Variants in RARRES2 observed in about 807,000 individuals in gnomAD.
RARRES2 encodes the protein retinoic acid receptor responder 2.
RARRES2 carries 12 observed loss-of-function variants against 17.9 expected under a neutral mutation model. That is an observed-to-expected ratio of 0.67 (90% CI 0.43 to 1.08). RARRES2 has a LOEUF of 1.08. Ranked by LOEUF, RARRES2 falls within the 50% of genes least tolerant of loss-of-function variation. The pLI, the probability that RARRES2 is intolerant of heterozygous loss-of-function variation, is 0.00. For synonymous variants in RARRES2, 82 were observed against 86.8 expected (o/e 0.94, Z 0.31); for missense variants, 220 against 210.1 (o/e 1.05, Z -0.29).
In RARRES2 at chr7:150,338,373, C is replaced by T. The variant is rs747007512; in HGVS notation, c.*77G>A. The T allele has an allele frequency of 6.8e-7, 1 of 1,479,512 alleles. No homozygotes were observed. Among genetic ancestry groups the T allele is most frequent in the South Asian group, 1.2e-5 (1 of 82,710 alleles). The allele number at this position is 1,479,512 out of a possible 1,614,324, so 91.6% of individuals were successfully genotyped here. A position where few individuals can be genotyped will look rare whatever the true frequency, so the allele number is the denominator to read the frequency against. ...TCATGGCTGGGGATAGAACGGGTTCCTCTCCCTGGGGGCTGGGGTCTTCCA... is the reference window on the plus strand; with the variant it reads ...TCATGGCTGGGGATAGAACGGGTTCTTCTCCCTGGGGGCTGGGGTCTTCCA... On this transcript the variant is annotated 3_prime_UTR_variant, in exon 6 of 6. Coordinates refer to ENST00000223271, the MANE Select transcript of RARRES2 (RefSeq NM_002889.4).
At chr7:150,338,583 C>T in intron 5 of RARRES2, 32 bp downstream of exon 5, 1 of 1,548,086 alleles carries the variant, frequency 6.5e-7, no homozygotes. Flanking sequence ...CTGGCCTCAT[C>T]CAGACGGTGC....
rs772161063 is a variant in RARRES2, at chr7:150,338,654, C to T, written c.463G>A (p.Ala155Thr). Residue 155 changes from alanine (A) to threonine (T), a missense_variant, in exon 5 of 6, where the codon GCC (alanine) becomes ACC (threonine). Physicochemically the swap from Ala to Thr is moderately conservative, Grantham distance 58. Transcript: ENST00000223271. ...CTGCGGGGCAGGGCCTTGGAGAAGGCGAACTGTCCAGGGAAGTAGAAGCTG... is the reference window on the plus strand; with the variant it reads ...CTGCGGGGCAGGGCCTTGGAGAAGGTGAACTGTCCAGGGAAGTAGAAGCTG... The part of the protein sequence containing the change: ...PHSFYFPGQF[A>T]FSKALPRS 8.4e-6 allele frequency: 13 copies of T among 1,555,110 alleles called. No individual in the cohort carries two copies. Among genetic ancestry groups the T allele is most frequent in the South Asian group, 2.4e-5 (2 of 84,290 alleles).
intron 3 of RARRES2, among the ~76,000 whole-genome samples, chr7:150,339,826 G>C (rs1004670384): frequency 6.6e-6 from 1 of 152,106 alleles, no homozygotes; most frequent in Admixed American, 6.5e-5. Flanking sequence ...ACCGAGGTGA[G>C]CCCTGCTCTG....
chr7:150,338,600 C>A lies in RARRES2; in HGVS notation c.*10+15G>T, dbSNP rs751302754. 1.3e-6 allele frequency: 2 copies of A among 1,550,766 alleles called. No individual in the cohort carries two copies. Among genetic ancestry groups the A allele is most frequent in the African/African-American group, 1.4e-5 (1 of 73,084 alleles). ...GGCCTCATCCAGACGGTGCTCTCAGCCCCCTGGTGCCTACCAGTGCTGGCT... is the reference window on the plus strand; with the variant it reads ...GGCCTCATCCAGACGGTGCTCTCAGACCCCTGGTGCCTACCAGTGCTGGCT... On this transcript the variant is annotated intron_variant, in intron 5 of 5. Transcript: ENST00000223271.
rs768696892 is a variant in RARRES2, at chr7:150,340,419, C to T, written c.174+17G>A. 3.2e-6 allele frequency: 5 copies of T among 1,583,978 alleles called. No individual in the cohort carries two copies. Among genetic ancestry groups the T allele is most frequent in the South Asian group, 1.1e-5 (1 of 87,712 alleles). Reference sequence around the variant, plus strand: ...GGGTACGACCCTCCCCGCTCCTGCCCGGGCCATGCTACTCACCGTGTCCAC... The same window carrying T: ...GGGTACGACCCTCCCCGCTCCTGCCTGGGCCATGCTACTCACCGTGTCCAC... On this transcript the variant is annotated intron_variant, in intron 2 of 5. Coordinates refer to ENST00000223271, the MANE Select transcript of RARRES2 (RefSeq NM_002889.4).
At position 150,340,503 on chromosome 7, in the gene RARRES2, T is replaced by A. The variant is rs981958699; in HGVS notation, c.107A>T (p.Glu36Val). 3.1e-6 allele frequency: 5 copies of A among 1,604,584 alleles called. No individual in the cohort carries two copies. The South Asian group carries it at 4.5e-5, about 14-fold the overall frequency. The change falls in exon 2 of 6, where the codon GAA becomes GTA. Residue 36 changes from glutamate to valine, a missense_variant. Glu to Val is a moderately radical substitution (Grantham distance 121). Coordinates refer to ENST00000223271, the MANE Select transcript of RARRES2 (RefSeq NM_002889.4). ...QRRGLQVALE[E>V]FHKHPPVQWA... ...CTGCACGGGCGGGTGCTTGTGAAATTCCTCCAGGGCCACCTGCAGGCCCCG... is the reference window on the plus strand; with the variant it reads ...CTGCACGGGCGGGTGCTTGTGAAATACCTCCAGGGCCACCTGCAGGCCCCG...
chr7:150,340,177 G>C lies in RARRES2; in HGVS notation c.202C>G (p.Leu68Val). ...CTTGTCTGCTGCAGCTTAAATTCCA[G>C]CCTCACAAATATTCCAGCTGGGAAG... ...TPFPAGIFVR[L>V]EFKLQQTSCR... The change falls in exon 3 of 6, where the codon CTG (leucine) becomes GTG (valine). Residue 68 changes from leucine to valine, a missense_variant. Transcript: ENST00000223271. 6.2e-7 allele frequency: 1 copy of C among 1,614,160 alleles called. No individual in the cohort carries two copies.
chr7:150,340,667 A>G (rs1185691189), intron 1 of RARRES2, 38 bp from the exon 2 acceptor site: 2 of 1,433,080 alleles, frequency 1.4e-6, no homozygotes, highest in African/African-American at 1.5e-5. Context: ...TCTCCGAGCC[A>G]GCCCGAGCCG....
Position 150,338,998 on chromosome 7 carries a change from G to A in RARRES2, c.363C>T (p.Thr121=). Residue 121 remains threonine (T), a synonymous_variant, in exon 4 of 6, where the codon ACC becomes ACT. Coordinates refer to ENST00000223271, the MANE Select transcript of RARRES2 (RefSeq NM_002889.4). The part of the protein sequence containing the change: ...LGRLVHCPIE[T]QVLREAEEHQ... ...TGCCCCTTCTTACCCGCAGAACTTG[G>A]GTCTCTATGGGGCAGTGGACCAACC... 6 of 1,607,798 alleles carry A rather than the reference G, an allele frequency of 3.7e-6. No individual in the cohort carries two copies. The highest frequency in any genetic ancestry group is 5.1e-6 in the Non-Finnish European group (6 of 1,174,286).
At chr7:150,340,878 C>T in intron 1 of RARRES2, 1 of 417,300 alleles carries the variant, frequency 2.4e-6, no homozygotes, top group Non-Finnish European at 4.2e-6. Flanking sequence ...GTTCCCTGCC[C>T]ACGCTAGGAA....
Position 150,338,693 on chromosome 7 carries a change from C to G in RARRES2, c.424G>C (p.Gly142Arg). Residue 142 changes from glycine to arginine, a missense_variant, in exon 5 of 6, where the codon GGT becomes CGT. Transcript: ENST00000223271. ...ETQCLRVQRA[G>R]EDPHSFYFPG... ...AAGTAGAAGCTGTGGGGGTCCTCAC[C>G]AGCCCGCTGCACCCTGAGGCACTGG... 6.4e-7 allele frequency: 1 copy of G among 1,555,328 alleles called. No individual in the cohort carries two copies. The highest frequency in any genetic ancestry group is 8.7e-7 in the Non-Finnish European group (1 of 1,148,970).
Position 150,338,683 on chromosome 7 carries a change from G to A in RARRES2, c.434C>T (p.Pro145Leu), listed in dbSNP as rs1360033265. The change falls in exon 5 of 6, where the codon CCC (proline) becomes CTC (leucine). Residue 145 changes from proline (P) to leucine (L), a missense_variant. Transcript: ENST00000223271. ...CLRVQRAGEDPHSFYFPGQFA... is the reference protein window; with the variant it reads ...CLRVQRAGEDLHSFYFPGQFA... The stretch of plus-strand genomic sequence containing the variant: ...CTGTCCAGGGAAGTAGAAGCTGTGG[G>A]GGTCCTCACCAGCCCGCTGCACCCT... 7 of 1,555,678 alleles carry A rather than the reference G, an allele frequency of 4.5e-6. No homozygotes were observed. The highest frequency in any genetic ancestry group is 1.2e-5 in the South Asian group (1 of 84,412).
chr7:150,340,835 G>T lies in RARRES2; in HGVS notation c.-20-206C>A. On this transcript the variant is annotated intron_variant, in intron 1 of 5. Coordinates refer to ENST00000223271, the MANE Select transcript of RARRES2 (RefSeq NM_002889.4). ...CTCTCCGTTCCCTCCCACCCTGCCCGCGCTGTTCCCTGGGGCCTGCAGTTT... is the reference window on the plus strand; with the variant it reads ...CTCTCCGTTCCCTCCCACCCTGCCCTCGCTGTTCCCTGGGGCCTGCAGTTT... 4 of 492,196 alleles carry T rather than the reference G, an allele frequency of 8.1e-6. No individual in the cohort carries two copies. The South Asian group carries it at 1.3e-4, about 16-fold the overall frequency. 30.5% of individuals were successfully genotyped at this position (492,196 alleles called of 1,614,324 possible).
chr7:150,340,730 A>T, intron 1 of RARRES2, 101 bp from the exon 2 acceptor site: 1 of 922,628 alleles, frequency 1.1e-6, no homozygotes, highest in Non-Finnish European at 1.5e-6. Flanking sequence ...GGCGGGGTCC[A>T]GGCCTGTAGA....
At chr7:150,340,913 A>C in intron 1 of RARRES2, 1 of 313,430 alleles carries the variant, frequency 3.2e-6, no homozygotes, top group Admixed American at 4.9e-5. Context: ...CTCCCACCCT[A>C]CACCCCTAAT....
Position 150,338,636 on chromosome 7 carries a change from G to A in RARRES2, c.481C>T (p.Pro161Ser), listed in dbSNP as rs1473539000. 1 of 1,554,684 alleles carries A rather than the reference G, an allele frequency of 6.4e-7. No homozygotes were observed. The highest frequency in any genetic ancestry group is 8.7e-7 in the Non-Finnish European group (1 of 1,148,590). Residue 161 changes from proline to serine, a missense_variant, in exon 5 of 6, where the codon CCC becomes TCC. Pro to Ser is a moderately conservative substitution (Grantham distance 74). Coordinates refer to ENST00000223271, the MANE Select transcript of RARRES2 (RefSeq NM_002889.4). ...CTACCAGTGCTGGCTTAGCTGCGGG[G>A]CAGGGCCTTGGAGAAGGCGAACTGT... ...PGQFAFSKALPRS is the reference protein window; with the variant it reads ...PGQFAFSKALSRS
chr7:150,339,430 G>C (rs983633059), intron 3 of RARRES2, among the ~76,000 whole-genome samples: 4 of 152,166 alleles, frequency 2.6e-5, no homozygotes, highest in Admixed American at 1.3e-4. Flanking sequence ...GTCTGCTTGT[G>C]CTCGTGTGAA....
At chr7:150,341,199 G>A (rs986813038) in intron 1 of RARRES2, 1 of 152,330 alleles carries the variant, frequency 6.6e-6, no homozygotes, top group Non-Finnish European at 1.5e-5. Context: ...TAATCCTCCC[G>A]GCGCGGGGGC....
rs758883343 is a variant in RARRES2 at position 150,340,242 on chromosome 7, C to T, written c.175-38G>A. On this transcript the variant is annotated intron_variant, in intron 2 of 5. Coordinates refer to ENST00000223271, the MANE Select transcript of RARRES2 (RefSeq NM_002889.4). ...AGGCAGGCAGAGGATGGCCGGTAGCCAGCTGAGGGTGCAGAGCAAGCCCTG... is the reference window on the plus strand; with the variant it reads ...AGGCAGGCAGAGGATGGCCGGTAGCTAGCTGAGGGTGCAGAGCAAGCCCTG... The T allele has an allele frequency of 6.2e-6, 10 of 1,605,014 alleles. No individual in the cohort carries two copies. The South Asian group carries it at 7.7e-5, about 12-fold the overall frequency.
Sources: gnomAD v4.1 joint callset for allele counts (sites outside exome capture counted in the v4.1 genomes callset) on GRCh38, gnomAD v4.1.1 for gene constraint, MANE v1.5 for transcripts, NCBI Gene and HGNC (gene_info 2026-07-23, HGNC 2026-07-21) for gene names.